The following STX12 variants were observed in gnomAD, a reference collection of about 807,000 sequenced individuals.
STX12 encodes syntaxin 12.
In STX12, 17 loss-of-function variants were observed where a neutral mutation model predicts 42.2. The observed-to-expected ratio is 0.40, with a 90% CI of 0.28 to 0.60. The LOEUF (loss-of-function observed/expected upper bound fraction) is 0.60. STX12 is among the 20% of genes least tolerant of loss of function. The pLI is 0.39. For missense variants in STX12, 297 were observed against 330.9 expected, an observed-to-expected ratio of 0.90 and a Z score of 0.79; for synonymous variants, 108 against 116.7, an observed-to-expected ratio of 0.93 and a Z score of 0.48.
intron 4 of STX12, among the ~76,000 whole-genome samples, chr1:27,803,627 A>G (rs1294474948): frequency 6.6e-6 from 1 of 152,254 alleles, no homozygotes; most frequent in Non-Finnish European, 1.5e-5. Context: ...GAACAAAAAA[A>G]GTGGTAAAGA....
In STX12 at chr1:27,818,109, G is replaced by A. The variant is rs980393631; in HGVS notation, c.649+186G>A. 5.7e-5 allele frequency: 31 copies of A among 545,590 alleles called. No homozygotes were observed. The East Asian group carries it at 8.0e-4, about 14-fold the overall frequency. The allele number at this position is 545,590 out of a possible 1,614,324, so 33.8% of individuals were successfully genotyped here. A position where few individuals can be genotyped will look rare whatever the true frequency, so the allele number is the denominator to read the frequency against. On this transcript the variant is annotated intron_variant, in intron 7 of 8. Coordinates refer to ENST00000373943, the MANE Select transcript of STX12 (RefSeq NM_177424.3). ...GAAAGAAAAAGGAGTTAGGCTAGGC[G>A]TGGTGGCTCAGGCCTGTAATCCCAG...
intron 1 of STX12, among the ~76,000 whole-genome samples, chr1:27,788,978 T>C (rs1458854616): frequency 2.0e-5 from 3 of 151,670 alleles, no homozygotes; most frequent in Admixed American, 2.0e-4. Context: ...GCCACTGCAC[T>C]CCAGCCTGGG....
rs34435449 is a variant in STX12 at position 27,808,311 on chromosome 1, T to TTTTATTTATTTA, written c.427-1900_427-1889dup. On this transcript the variant is annotated intron_variant, in intron 4 of 8. Coordinates refer to ENST00000373943, the MANE Select transcript of STX12 (RefSeq NM_177424.3). The stretch of plus-strand genomic sequence containing the variant: ...TGATTTTTACCATTTTTGCTTTGTT[T>TTTTATTTATTTA]TTTATTTATTTATTTATTTATTTAT... Among the ~76,000 whole-genome samples, 104 of 144,236 alleles carry TTTTATTTATTTA rather than the reference T, an allele frequency of 7.2e-4. 1 individual carries two copies. Among genetic ancestry groups the TTTTATTTATTTA allele is most frequent in the East Asian group, 6.8e-3 (34 of 4,966 alleles). The allele number at this position is 144,236 out of a possible 152,430, so 94.6% of individuals were successfully genotyped here.
Position 27,812,149 on chromosome 1 carries a change from C to A in STX12, c.471-14C>A. The A allele has an allele frequency of 6.5e-7, 1 of 1,550,236 alleles. No homozygotes were observed. The highest frequency in any genetic ancestry group is 1.2e-5 in the South Asian group (1 of 84,054). ...TGAGAGGAGAAATCACCTAGTGTGC[C>A]TGTTTCCCTGCAGCCATGAGGAGTG... On this transcript the variant is annotated splice_polypyrimidine_tract_variant and intron_variant, in intron 5 of 8. Transcript: ENST00000373943.
At chr1:27,787,330 G>C (rs553902774) in intron 1 of STX12, among the ~76,000 whole-genome samples, 1 of 152,154 alleles carries the variant, frequency 6.6e-6, no homozygotes, top group Non-Finnish European at 1.5e-5. Flanking sequence ...CAATAAGTTA[G>C]AAGATTTTTG....
chr1:27,795,710 C>A (rs182757273), intron 3 of STX12, among the ~76,000 whole-genome samples: 2 of 152,170 alleles, frequency 1.3e-5, no homozygotes, highest in Non-Finnish European at 1.5e-5. Flanking sequence ...TTTTGGCCCC[C>A]ACTTGCAGAA....
At chr1:27,814,341 G>T (rs1172292850) in intron 6 of STX12, among the ~76,000 whole-genome samples, 2 of 151,834 alleles carry the variant, frequency 1.3e-5, no homozygotes, top group African/African-American at 4.8e-5. Context: ...GACAGCCTGG[G>T]CAGTGTAGCA....
intron 1 of STX12, among the ~76,000 whole-genome samples, chr1:27,781,584 A>G (rs1333064071): frequency 6.6e-6 from 1 of 152,196 alleles, no homozygotes; most frequent in Non-Finnish European, 1.5e-5. Context: ...TCCCTGCTAC[A>G]TAGTAAGTGC....
At chr1:27,814,361 C>G (rs2088925712) in intron 6 of STX12, among the ~76,000 whole-genome samples, 1 of 151,512 alleles carries the variant, frequency 6.6e-6, no homozygotes, top group South Asian at 2.1e-4. Flanking sequence ...AAGACCTTAC[C>G]TCTACAAAAA....
chr1:27,799,438 C>T (rs1406128881), intron 3 of STX12, among the ~76,000 whole-genome samples: 1 of 144,414 alleles, frequency 6.9e-6, no homozygotes, highest in African/African-American at 2.8e-5. Context: ...CTTCATTGCT[C>T]TTTGTTCTTT....
Position 27,812,144 on chromosome 1 carries a change from T to G in STX12, c.471-19T>G, listed in dbSNP as rs2088907202. 1.3e-6 allele frequency: 2 copies of G among 1,546,552 alleles called. No individual in the cohort carries two copies. The highest frequency in any genetic ancestry group is 2.7e-5 in the African/African-American group (2 of 73,060). ...GCCTTTGAGAGGAGAAATCACCTAGTGTGCCTGTTTCCCTGCAGCCATGAG... is the reference window on the plus strand; with the variant it reads ...GCCTTTGAGAGGAGAAATCACCTAGGGTGCCTGTTTCCCTGCAGCCATGAG... On this transcript the variant is annotated intron_variant, in intron 5 of 8. Transcript: ENST00000373943.
chr1:27,782,778 G>C (rs928253897), intron 1 of STX12, among the ~76,000 whole-genome samples: 2 of 152,200 alleles, frequency 1.3e-5, no homozygotes, highest in African/African-American at 4.8e-5. Context: ...GGAGGTTGCA[G>C]TGAGCTGAGA....
chr1:27,798,739 C>T (rs1164845386), intron 3 of STX12, among the ~76,000 whole-genome samples: 3 of 142,524 alleles, frequency 2.1e-5, no homozygotes, highest in Non-Finnish European at 3.0e-5. Flanking sequence ...AAAACTCGTG[C>T]CACTGCACTC....
At position 27,793,650 on chromosome 1, in the gene STX12, T is replaced by C. The variant is rs747872235; in HGVS notation, c.288+18T>C. 6.2e-7 allele frequency: 1 copy of C among 1,600,366 alleles called. No homozygotes were observed. Among genetic ancestry groups the C allele is most frequent in the Non-Finnish European group, 8.6e-7 (1 of 1,168,000 alleles). On this transcript the variant is annotated intron_variant, in intron 3 of 8. Transcript: ENST00000373943. ...CAGAACAGGTTGGTATTTTCTGTTT[T>C]GTTTATTAATAGGAAAGGACTTTGT...
chr1:27,814,282 G>A (rs11247690), intron 6 of STX12, among the ~76,000 whole-genome samples: 6,164 of 151,134 alleles, frequency 0.041, 415 homozygotes, highest in African/African-American at 0.14. Context: ...CTGTAATCCC[G>A]GCAAGTTGGA....
intron 2 of STX12, among the ~76,000 whole-genome samples, chr1:27,792,154 G>A (rs868268713): frequency 0.012 from 1,133 of 97,952 alleles, 144 homozygotes; most frequent in African/African-American, 0.084. Context: ...CTATATATGT[G>A]TATCTATATA....
intron 1 of STX12, among the ~76,000 whole-genome samples, chr1:27,785,143 C>T (rs2088691331): frequency 6.6e-6 from 1 of 152,164 alleles, no homozygotes; most frequent in Non-Finnish European, 1.5e-5. Context: ...AAGGAATGCT[C>T]TACTTTTTAA....
rs189076487 is a variant in STX12, at chr1:27,795,787, G to A, written c.288+2155G>A. Among the ~76,000 whole-genome samples, 448 of 152,136 alleles carry A rather than the reference G, an allele frequency of 2.9e-3. 4 individuals are homozygous for A. The highest frequency in any genetic ancestry group is 0.01 in the African/African-American group (420 of 41,498). ...AGTTACCCTTTGGTTGTCTATATACGGGCTGTTTATTCTAATTATTACTCA... is the reference window on the plus strand; with the variant it reads ...AGTTACCCTTTGGTTGTCTATATACAGGCTGTTTATTCTAATTATTACTCA... On this transcript the variant is annotated intron_variant, in intron 3 of 8. Coordinates refer to ENST00000373943, the MANE Select transcript of STX12 (RefSeq NM_177424.3).
intron 4 of STX12, 116 bp downstream of exon 4, chr1:27,801,931 T>C (rs2088830759): frequency 7.6e-7 from 1 of 1,315,854 alleles, no homozygotes; most frequent in Middle Eastern, 2.1e-4. Flanking sequence ...GCTGTGAAAA[T>C]GGCAGGTTGG....
Sources: gnomAD v4.1 joint callset for allele counts (sites outside exome capture counted in the v4.1 genomes callset) on GRCh38, gnomAD v4.1.1 for gene constraint, MANE v1.5 for transcripts, NCBI Gene and HGNC (gene_info 2026-07-23, HGNC 2026-07-21) for gene names.